ABCA13: variants seen among roughly 807,000 people sequenced by gnomAD.
The protein encoded by ABCA13 is ATP-binding cassette sub-family A member 13.
Under a neutral mutation model 478.7 loss-of-function variants are expected in ABCA13, and 476 were observed. That is an observed-to-expected ratio of 0.99 (90% CI 0.92 to 1.07). ABCA13 has a LOEUF of 1.07. ABCA13 is among the 50% of genes least tolerant of loss of function. The probability of loss-of-function intolerance (pLI) is 0.00; values close to 1 mark genes in which losing one functional copy is unlikely to be tolerated. For missense variants in ABCA13, 6,060 were observed against 5,910.6 expected, an observed-to-expected ratio of 1.03 and a Z score of -0.83; for synonymous variants, 2,252 against 2,158.9, an observed-to-expected ratio of 1.04 and a Z score of -1.20.
rs180989500 is a variant in ABCA13 at position 48,395,387 on chromosome 7, C to T, written c.11873+3248C>T. Among the ~76,000 whole-genome samples the T allele has an allele frequency of 5.3e-4, 81 of 152,222 alleles. 1 individual carries two copies. The highest frequency in any genetic ancestry group is 2.0e-3 in the Admixed American group (30 of 15,298). On this transcript the variant is annotated intron_variant, in intron 38 of 61. Coordinates refer to ENST00000435803, the MANE Select transcript of ABCA13 (RefSeq NM_152701.5). The stretch of plus-strand genomic sequence containing the variant: ...CAATGGGGAATAAGAGAGGAGGGGG[C>T]GTCCATGGTATTCCCCAGATGTCTG...
rs1372052264 is a variant in ABCA13, at chr7:48,279,476, T to C, written c.8282T>C (p.Leu2761Ser). 1 of 1,611,820 alleles carries C rather than the reference T, an allele frequency of 6.2e-7. No individual in the cohort carries two copies. The highest frequency in any genetic ancestry group is 8.5e-7 in the Non-Finnish European group (1 of 1,178,684). ...GATAATTGGAATGTTTCTAATGTGT[T>C]GATGACATTTACTCAGCATCCAAAT... is the stretch of plus-strand genomic sequence containing the variant. ...KKDNWNVSNV[L>S]MTFTQHPNNL... The change falls in exon 18 of 62, where the codon TTG becomes TCG. Residue 2761 changes from leucine to serine, a missense_variant. Around this residue, in one of 3 missense-constraint regions of ABCA13, gnomAD observed 4,423 missense variants for 4,309.1 expected, o/e 1.03. Coordinates refer to ENST00000435803, the MANE Select transcript of ABCA13 (RefSeq NM_152701.5).
chr7:48,275,364 C>G lies in ABCA13; in HGVS notation c.5698C>G (p.Leu1900Val). ...IHELVDWNSILLELSEVFHVN... is the reference protein window; with the variant it reads ...IHELVDWNSIVLELSEVFHVN... ...TGAATTAGTGGACTGGAATTCTATTCTTCTGGAGCTCTCTGAAGTCTTCCA... is the reference window on the plus strand; with the variant it reads ...TGAATTAGTGGACTGGAATTCTATTGTTCTGGAGCTCTCTGAAGTCTTCCA... The change falls in exon 17 of 62, where the codon CTT becomes GTT. Residue 1900 changes from leucine to valine, a missense_variant. Transcript: ENST00000435803. The G allele has an allele frequency of 6.2e-7, 1 of 1,613,900 alleles. No homozygotes were observed. The highest frequency in any genetic ancestry group is 1.7e-5 in the Admixed American group (1 of 60,006).
At chr7:48,590,420 G>A (rs1277734507) in intron 57 of ABCA13, among the ~76,000 whole-genome samples, 1 of 151,836 alleles carries the variant, frequency 6.6e-6, no homozygotes, top group African/African-American at 2.4e-5. Context: ...CTATATCTTG[G>A]CTTCTGTAAA....
chr7:48,188,624 C>T (rs569497257), intron 1 of ABCA13, among the ~76,000 whole-genome samples: 28 of 151,910 alleles, frequency 1.8e-4, no homozygotes, highest in African/African-American at 6.5e-4. Context: ...ATTCCTGCCT[C>T]CTCTAATTTA....
chr7:48,247,121 C>T (rs888147130), intron 13 of ABCA13, among the ~76,000 whole-genome samples: 5 of 151,878 alleles, frequency 3.3e-5, no homozygotes, highest in African/African-American at 1.2e-4. Flanking sequence ...GCCTGTAATA[C>T]CAGCTACTCA....
intron 53 of ABCA13, 65 bp downstream of exon 53, chr7:48,520,359 T>G (rs1585685374): frequency 6.7e-7 from 1 of 1,497,450 alleles, no homozygotes; most frequent in African/African-American, 1.4e-5. Flanking sequence ...AAGAGAAAAA[T>G]TCATCCTGGA....
At chr7:48,447,889 G>A (rs1824495729) in intron 42 of ABCA13, among the ~76,000 whole-genome samples, 2 of 152,324 alleles carry the variant, frequency 1.3e-5, no homozygotes, top group South Asian at 2.1e-4. Flanking sequence ...GTAAGTGGAA[G>A]GTGATAGGAA....
chr7:48,521,109 C>T (rs1832517688), intron 53 of ABCA13, among the ~76,000 whole-genome samples: 1 of 152,000 alleles, frequency 6.6e-6, no homozygotes, highest in Non-Finnish European at 1.5e-5. Context: ...TTTAATGTGG[C>T]CTTGAAAGGA....
At chr7:48,222,113 T>C (rs1312062424) in intron 5 of ABCA13, among the ~76,000 whole-genome samples, 1 of 152,100 alleles carries the variant, frequency 6.6e-6, no homozygotes, top group Non-Finnish European at 1.5e-5. Context: ...AGCTAATGGA[T>C]TGGAATGAAG....
chr7:48,238,122 A>G (rs1413610855), intron 8 of ABCA13, among the ~76,000 whole-genome samples: 3 of 152,344 alleles, frequency 2.0e-5, no homozygotes, highest in Non-Finnish European at 2.9e-5. Flanking sequence ...ACAGACTTGT[A>G]AACAACAGAA....
intron 31 of ABCA13, among the ~76,000 whole-genome samples, chr7:48,364,226 C>T (rs1034819420): frequency 6.6e-6 from 1 of 152,248 alleles, no homozygotes; most frequent in Non-Finnish European, 1.5e-5. Context: ...TCTTCTGTTT[C>T]CCTGGAAATA....
chr7:48,504,665 C>T (rs1271742725), intron 48 of ABCA13, among the ~76,000 whole-genome samples: 6 of 152,168 alleles, frequency 3.9e-5, no homozygotes, highest in Non-Finnish European at 7.3e-5. Context: ...AGAGTGTTCT[C>T]ATTCTTACGT....
intron 45 of ABCA13, among the ~76,000 whole-genome samples, chr7:48,474,827 A>G (rs1010351568): frequency 9.2e-5 from 14 of 152,178 alleles, no homozygotes; most frequent in Non-Finnish European, 1.9e-4. Flanking sequence ...TTTTAGTACC[A>G]CCAGCTACCT....
In ABCA13 at chr7:48,520,160, C is replaced by T. The variant is rs200334563; in HGVS notation, c.13917C>T (p.Asn4639=). The T allele has an allele frequency of 1.4e-5, 22 of 1,613,804 alleles. No homozygotes were observed. The African/African-American group carries it at 2.4e-4, about 18-fold the overall frequency. The change falls in exon 53 of 62, where the codon AAC becomes AAT. Residue 4639 remains asparagine (N), a synonymous_variant. Transcript: ENST00000435803. ...YNQIKYDLTH[N]FGIDSYVSPF... is the part of the protein sequence containing the mutation. ...AGATCAAATATGACCTGACCCACAACTTCGGCATTGATTCCTATGTGAGTC... is the reference window on the plus strand; with the variant it reads ...AGATCAAATATGACCTGACCCACAATTTCGGCATTGATTCCTATGTGAGTC...
At position 48,406,595 on chromosome 7, in the gene ABCA13, G is replaced by A. The variant is rs142715767; in HGVS notation, c.12070+2716G>A. Among the ~76,000 whole-genome samples the A allele has an allele frequency of 1.3e-3, 191 of 152,288 alleles. 2 individuals are homozygous for A. Among genetic ancestry groups the A allele is most frequent in the African/African-American group, 4.2e-3 (175 of 41,572 alleles). ...AACAGTAGCATTGCTCTTTGAGGCC[G>A]GGCATGGTGGCTCATGCCTATAATT... On this transcript the variant is annotated intron_variant, in intron 39 of 61. Transcript: ENST00000435803.
chr7:48,237,874 G>T (rs1268926863), intron 8 of ABCA13, among the ~76,000 whole-genome samples: 1 of 152,232 alleles, frequency 6.6e-6, no homozygotes, highest in Non-Finnish European at 1.5e-5. Flanking sequence ...CATAGGCTGT[G>T]AGCATCTGAG....
At position 48,321,685 on chromosome 7, in the gene ABCA13, C is replaced by T. The variant is rs547785910; in HGVS notation, c.9999+4389C>T. Among the ~76,000 whole-genome samples, 78 of 152,288 alleles carry T rather than the reference C, an allele frequency of 5.1e-4. 1 individual carries two copies. In the South Asian group the frequency reaches 7.7e-3, roughly 15 times the overall value. ...TGGGGACCTGCTATGAGCCGGCTGCCGTGAGAGCGAGGTGGCCTCAGCACC... is the reference window on the plus strand; with the variant it reads ...TGGGGACCTGCTATGAGCCGGCTGCTGTGAGAGCGAGGTGGCCTCAGCACC... On this transcript the variant is annotated intron_variant, in intron 27 of 61. Coordinates refer to ENST00000435803, the MANE Select transcript of ABCA13 (RefSeq NM_152701.5).
intron 28 of ABCA13, 75 bp from the exon 29 acceptor site, chr7:48,338,290 A>G: frequency 1.8e-6 from 2 of 1,083,476 alleles, no homozygotes; most frequent in Non-Finnish European, 2.5e-6. Context: ...GAAACTTTGA[A>G]TAAGTCTAAT....
intron 20 of ABCA13, among the ~76,000 whole-genome samples, chr7:48,290,145 C>A (rs750655159): frequency 2.0e-5 from 3 of 152,194 alleles, no homozygotes; most frequent in Non-Finnish European, 4.4e-5. Context: ...CCTCTTCCAC[C>A]CTTTGTTCCA....
Sources: allele counts gnomAD v4.1 joint callset (sites outside exome capture counted in the v4.1 genomes callset), GRCh38; gene constraint gnomAD v4.1.1; regional missense constraint gnomAD v4.1.1; transcripts MANE v1.5; gene names NCBI Gene and HGNC (gene_info 2026-07-23, HGNC 2026-07-21).